Variants in GRID2 observed in about 807,000 individuals in gnomAD.
The protein encoded by GRID2 is glutamate ionotropic receptor delta type subunit 2, also known as glutamate receptor ionotropic, delta-2.
Under a neutral mutation model 114.8 loss-of-function variants are expected in GRID2, and 33 were observed. The observed-to-expected ratio is 0.29, with a 90% CI of 0.22 to 0.38. The LOEUF (loss-of-function observed/expected upper bound fraction) is 0.38. GRID2 is among the 10% of genes least tolerant of loss of function. GRID2 has a pLI of 1.00. For synonymous variants in GRID2, 505 were observed against 449.9 expected, an observed-to-expected ratio of 1.12 and a Z score of -1.55; for missense variants, 1,184 against 1,257.7, an observed-to-expected ratio of 0.94 and a Z score of 0.89.
chr4:93,038,766 G>A (rs567922106), intron 2 of GRID2, among the ~76,000 whole-genome samples: 1 of 152,026 alleles, frequency 6.6e-6, no homozygotes, highest in Non-Finnish European at 1.5e-5. Flanking sequence ...ACTCCAGCCT[G>A]GGTGACAGAG....
At chr4:93,770,412 G>A (rs566764439) in intron 15 of GRID2, among the ~76,000 whole-genome samples, 4 of 152,140 alleles carry the variant, frequency 2.6e-5, no homozygotes, top group Admixed American at 1.3e-4. Context: ...CAATAAATAC[G>A]GCTTCTCATT....
intron 1 of GRID2, among the ~76,000 whole-genome samples, chr4:92,472,890 T>A (rs970793583): frequency 2.0e-5 from 3 of 152,142 alleles, no homozygotes; most frequent in African/African-American, 7.2e-5. Flanking sequence ...AACAGTGTTT[T>A]TCAAAGTAGA....
intron 14 of GRID2, among the ~76,000 whole-genome samples, chr4:93,700,175 A>G (rs1408532639): frequency 6.6e-6 from 1 of 152,134 alleles, no homozygotes; most frequent in Non-Finnish European, 1.5e-5. Context: ...ATCTCCTGCT[A>G]AGTGGATTGA....
chr4:92,832,261 G>T (rs1195594715), intron 2 of GRID2, among the ~76,000 whole-genome samples: 1 of 151,956 alleles, frequency 6.6e-6, no homozygotes, highest in Non-Finnish European at 1.5e-5. Flanking sequence ...CCACCAAGAT[G>T]AAACACGATC....
intron 2 of GRID2, among the ~76,000 whole-genome samples, chr4:92,969,447 G>T (rs1399818593): frequency 2.0e-5 from 3 of 151,464 alleles, no homozygotes; most frequent in African/African-American, 7.3e-5. Context: ...ATGTTTTGGG[G>T]ATCCATGTTA....
At chr4:92,760,391 T>A (rs991005483) in intron 2 of GRID2, among the ~76,000 whole-genome samples, 1 of 152,116 alleles carries the variant, frequency 6.6e-6, no homozygotes, top group Non-Finnish European at 1.5e-5. Flanking sequence ...CTCTCGATCC[T>A]TTTGGGGAAA....
intron 13 of GRID2, among the ~76,000 whole-genome samples, chr4:93,549,148 C>T (rs928148979): frequency 2.0e-5 from 3 of 152,080 alleles, no homozygotes; most frequent in African/African-American, 7.2e-5. Flanking sequence ...AGTTAGTTGC[C>T]TTGGAAAATA....
chr4:92,964,394 T>C (rs544768196), intron 2 of GRID2, among the ~76,000 whole-genome samples: 8 of 151,846 alleles, frequency 5.3e-5, no homozygotes, highest in Non-Finnish European at 7.4e-5. Context: ...CTGTCAGGCA[T>C]AGGGGACAAG....
At chr4:92,578,434 C>T (rs959724673) in intron 1 of GRID2, among the ~76,000 whole-genome samples, 1 of 151,612 alleles carries the variant, frequency 6.6e-6, no homozygotes, top group African/African-American at 2.4e-5. Flanking sequence ...CATGTCCCTA[C>T]AAAGGACATG....
intron 8 of GRID2, among the ~76,000 whole-genome samples, chr4:93,341,648 ATCT>A (rs1759669087): frequency 6.6e-6 from 1 of 152,076 alleles, no homozygotes; most frequent in Non-Finnish European, 1.5e-5. Flanking sequence ...TTATGTGTAC[ATCT>A]TCTTATTTGT....
rs774654597 is a variant in GRID2 at position 93,731,510 on chromosome 4, G to A, written c.2361-37700G>A. 4.4e-4 allele frequency among the ~76,000 whole-genome samples: 67 copies of A among 152,290 alleles called. No homozygotes were observed. In the Middle Eastern group the frequency reaches 0.024, roughly 54 times the overall value. ...TTTGTAAGGAATTTGTCCCCTGAAT[G>A]CCCTTAAACCACAATAAAATCATTA... On this transcript the variant is annotated intron_variant, in intron 14 of 15. Transcript: ENST00000282020.
At chr4:92,521,754 G>A (rs1724792130) in intron 1 of GRID2, among the ~76,000 whole-genome samples, 1 of 151,930 alleles carries the variant, frequency 6.6e-6, no homozygotes, top group African/African-American at 2.4e-5. Context: ...AGACATGTGA[G>A]AATCAGCATG....
chr4:93,553,859 A>G (rs185148874), intron 13 of GRID2, among the ~76,000 whole-genome samples: 2 of 152,288 alleles, frequency 1.3e-5, no homozygotes, highest in African/African-American at 2.4e-5. Context: ...CTTCTTAATC[A>G]TGTGTCCTAA....
chr4:92,845,576 C>G (rs912748579), intron 2 of GRID2, among the ~76,000 whole-genome samples: 1 of 152,048 alleles, frequency 6.6e-6, no homozygotes, highest in Non-Finnish European at 1.5e-5. Flanking sequence ...CCATCCTGCT[C>G]TCTGCCCTCC....
At chr4:93,537,978 C>G (rs1461246138) in intron 13 of GRID2, among the ~76,000 whole-genome samples, 5 of 151,612 alleles carry the variant, frequency 3.3e-5, no homozygotes, top group Non-Finnish European at 5.9e-5. Flanking sequence ...GTTTTCTATC[C>G]TGAAATATTT....
At chr4:93,265,370 C>A (rs919627483) in intron 8 of GRID2, among the ~76,000 whole-genome samples, 1 of 152,214 alleles carries the variant, frequency 6.6e-6, no homozygotes, top group Non-Finnish European at 1.5e-5. Flanking sequence ...TCTCATCAAT[C>A]TAACCAAGTT....
intron 1 of GRID2, among the ~76,000 whole-genome samples, chr4:92,481,983 T>TAG (rs1722620981): frequency 2.2e-4 from 11 of 50,976 alleles, no homozygotes; most frequent in Admixed American, 2.0e-3. Flanking sequence ...TAAAATGTGA[T>TAG]ATATATATAT....
chr4:92,794,229 A>C (rs1317351791), intron 2 of GRID2, among the ~76,000 whole-genome samples: 1 of 151,754 alleles, frequency 6.6e-6, no homozygotes, highest in Non-Finnish European at 1.5e-5. Context: ...GATCCTCCCA[A>C]ACTGGTGAGA....
intron 1 of GRID2, among the ~76,000 whole-genome samples, chr4:93,787,020 A>C (rs1333744416): frequency 6.6e-6 from 1 of 151,632 alleles, no homozygotes; most frequent in Non-Finnish European, 1.5e-5. Flanking sequence ...ATCCCCACAA[A>C]TCTCAGTGGC....
Sources: allele counts gnomAD v4.1 joint callset (sites outside exome capture counted in the v4.1 genomes callset), GRCh38; gene constraint gnomAD v4.1.1; transcripts MANE v1.5; gene names NCBI Gene and HGNC (gene_info 2026-07-23, HGNC 2026-07-21).